The following PTDSS2 variants were observed in gnomAD, a reference collection of about 807,000 sequenced individuals.
PTDSS2 encodes the protein phosphatidylserine synthase 2.
A neutral mutation model predicts 64.7 loss-of-function variants in PTDSS2; 41 were observed. That is an observed-to-expected ratio of 0.63 (90% CI 0.49 to 0.82). The LOEUF is 0.82. Ranked by LOEUF, PTDSS2 falls within the 40% of genes least tolerant of loss-of-function variation. The pLI is 0.00. For missense variants in PTDSS2, 485 were observed against 650.0 expected (o/e 0.75, Z 2.76); for synonymous variants, 297 against 277.8 (o/e 1.07, Z -0.69).
At chr11:459,987 T>A (rs1000504380) in intron 1 of PTDSS2, 200 bp from the exon 2 acceptor site, 2 of 571,788 alleles carry the variant, frequency 3.5e-6, no homozygotes, top group Admixed American at 2.9e-5. Context: ...TGGGGGCTGG[T>A]CTCAGCCCTG....
intron 3 of PTDSS2, among the ~76,000 whole-genome samples, chr11:475,609 G>A (rs1282576034): frequency 1.3e-5 from 2 of 152,208 alleles, no homozygotes; most frequent in African/African-American, 4.8e-5. Context: ...TCGAAAGAGT[G>A]GAATCCTGAA....
At chr11:474,752 T>C (rs193164078) in intron 3 of PTDSS2, among the ~76,000 whole-genome samples, 9 of 151,882 alleles carry the variant, frequency 5.9e-5, no homozygotes, top group Admixed American at 4.6e-4. Context: ...GTATGTATTA[T>C]AGAAAATTTC....
chr11:459,062 TCC>T lies in PTDSS2; in HGVS notation c.183-1124_183-1123del, dbSNP rs1361521076. ...ACCTGGGTTAGACGTGAGGACACAC[TCC>T]GGTGAATGTAGGACCTGGGTTAGAC... is the stretch of plus-strand genomic sequence containing the variant. On this transcript the variant is annotated intron_variant, in intron 1 of 11. Transcript: ENST00000308020. 9.1e-4 allele frequency: 133 copies of T among 146,788 alleles called. 4 individuals are homozygous for T. The highest frequency in any genetic ancestry group is 3.2e-3 in the African/African-American group (121 of 38,020). The allele number at this position is 146,788 out of a possible 1,614,324, so 9.1% of individuals were successfully genotyped here.
rs1305384451 is a variant in PTDSS2 at position 460,754 on chromosome 11, T to G, written c.284+466T>G. 6.3e-6 allele frequency: 1 copy of G among 159,082 alleles called. No homozygotes were observed. The highest frequency in any genetic ancestry group is 1.4e-5 in the Non-Finnish European group (1 of 72,108). The allele number at this position is 159,082 out of a possible 1,614,324, so 9.9% of individuals were successfully genotyped here. Reference sequence around the variant, plus strand: ...CAGCAGCCAAGCGAGTAAACTCGTCTTCTCAGGTTTATCTCCACAGGCAGG... The same window carrying G: ...CAGCAGCCAAGCGAGTAAACTCGTCGTCTCAGGTTTATCTCCACAGGCAGG... On this transcript the variant is annotated intron_variant, in intron 2 of 11. Transcript: ENST00000308020. This position sits in a 1 kb window ranked among gnomAD's most constrained non-coding sequence, Gnocchi z 5.8.
chr11:465,217 G>T (rs565813535), intron 2 of PTDSS2, among the ~76,000 whole-genome samples: 2 of 152,326 alleles, frequency 1.3e-5, no homozygotes, highest in South Asian at 2.1e-4. Context: ...TTGAGACAGG[G>T]TCTTGCTCTG....
At chr11:488,720 G>C in intron 8 of PTDSS2, 73 bp downstream of exon 8, 1 of 1,123,936 alleles carries the variant, frequency 8.9e-7, no homozygotes, top group Non-Finnish European at 1.4e-6. Context: ...CCGTGCTCCA[G>C]CAGACCCCGA....
At chr11:488,913 G>A (rs1848532155) in intron 8 of PTDSS2, among the ~76,000 whole-genome samples, 2 of 152,232 alleles carry the variant, frequency 1.3e-5, no homozygotes, top group African/African-American at 2.4e-5. Flanking sequence ...GGATCATTCC[G>A]TGCTTCTCCC....
chr11:487,757 C>T (rs1249427336), intron 6 of PTDSS2, among the ~76,000 whole-genome samples: 1 of 152,240 alleles, frequency 6.6e-6, no homozygotes, highest in African/African-American at 2.4e-5. Flanking sequence ...CATCCCACTT[C>T]TGAGGGACCC....
chr11:451,489 G>A, intron 1 of PTDSS2: 2 of 394,840 alleles, frequency 5.1e-6, no homozygotes, highest in South Asian at 1.7e-5. Flanking sequence ...CTTCTTGACT[G>A]CAAGGTGCCC....
intron 4 of PTDSS2, among the ~76,000 whole-genome samples, chr11:485,215 CTG>C (rs57215487): frequency 4.1e-4 from 49 of 120,118 alleles, no homozygotes; most frequent in South Asian, 1.7e-3. Flanking sequence ...TGTGTGCTCA[CTG>C]TGCGCAGGCG....
At chr11:486,219 C>G (rs997838168) in intron 4 of PTDSS2, among the ~76,000 whole-genome samples, 1 of 151,026 alleles carries the variant, frequency 6.6e-6, no homozygotes, top group Non-Finnish European at 1.5e-5. Flanking sequence ...CTGATGCCAG[C>G]GTCTGGGTGA....
chr11:487,174 T>G (rs1848433498), intron 5 of PTDSS2, 101 bp downstream of exon 5: 1 of 1,195,092 alleles, frequency 8.4e-7, no homozygotes. Flanking sequence ...CAGCCCACAC[T>G]TGGGGTCTCC....
Position 462,046 on chromosome 11 carries a change from C to G in PTDSS2, c.284+1758C>G, listed in dbSNP as rs1248431093. On this transcript the variant is annotated intron_variant, in intron 2 of 11. Transcript: ENST00000308020. The surrounding 1 kb of genome is among the most constrained non-coding windows in gnomAD (Gnocchi z 4.5). Reference sequence around the variant, plus strand: ...TAGGAAGCAGGACCGGGTCTCACCTCAAGTGTCCCACATGGCAAGAATTGT... The same window carrying G: ...TAGGAAGCAGGACCGGGTCTCACCTGAAGTGTCCCACATGGCAAGAATTGT... Among the ~76,000 whole-genome samples the G allele has an allele frequency of 6.6e-6, 1 of 152,192 alleles. No homozygotes were observed. The highest frequency in any genetic ancestry group is 1.5e-5 in the Non-Finnish European group (1 of 68,026).
At chr11:454,439 C>T (rs1011152264) in intron 1 of PTDSS2, among the ~76,000 whole-genome samples, 3 of 152,186 alleles carry the variant, frequency 2.0e-5, no homozygotes, top group African/African-American at 7.2e-5. Flanking sequence ...CAATGATCAG[C>T]GTTTCCCTGG....
chr11:450,330 C>A lies in PTDSS2; in HGVS notation c.-126C>A. On this transcript the variant is annotated 5_prime_UTR_variant, in exon 1 of 12. Coordinates refer to ENST00000308020, the MANE Select transcript of PTDSS2 (RefSeq NM_030783.3). ...CCGGCCCCGCGCTGCTCTCCTAAGA[C>A]CCCGCGGGCCAGCGCCGCGACCCCT... 1 of 834,726 alleles carries A rather than the reference C, an allele frequency of 1.2e-6. No homozygotes were observed. Among genetic ancestry groups the A allele is most frequent in the Non-Finnish European group, 1.6e-6 (1 of 631,478 alleles). 51.7% of individuals were successfully genotyped at this position (834,726 alleles called of 1,614,324 possible).
In PTDSS2 at chr11:460,333, C is replaced by T. The variant is rs1349612493; in HGVS notation, c.284+45C>T. On this transcript the variant is annotated intron_variant, in intron 2 of 11. Coordinates refer to ENST00000308020, the MANE Select transcript of PTDSS2 (RefSeq NM_030783.3). The surrounding 1 kb of genome is among the most constrained non-coding windows in gnomAD (Gnocchi z 5.8). ...TGCCTTCTGAAACTGCCCTGTGCCC[C>T]GTGTGGTGGGTGTGGCACCCTTACT... 12 of 1,524,378 alleles carry T rather than the reference C, an allele frequency of 7.9e-6. No homozygotes were observed. Among genetic ancestry groups the T allele is most frequent in the Middle Eastern group, 3.6e-4 (2 of 5,630 alleles). 94.4% of individuals were successfully genotyped at this position (1,524,378 alleles called of 1,614,324 possible).
chr11:454,893 C>G (rs1846517322), intron 1 of PTDSS2, among the ~76,000 whole-genome samples: 1 of 152,182 alleles, frequency 6.6e-6, no homozygotes, highest in Non-Finnish European at 1.5e-5. Context: ...GGCTGCTCAC[C>G]CCATCCCTTG....
At chr11:486,828 A>T in intron 4 of PTDSS2, 111 bp from the exon 5 acceptor site, 1 of 1,390,540 alleles carries the variant, frequency 7.2e-7, no homozygotes, top group Non-Finnish European at 9.5e-7. Flanking sequence ...AGCCTGGGCG[A>T]CAGAGCGAGA....
intron 1 of PTDSS2, among the ~76,000 whole-genome samples, chr11:455,814 C>G (rs117481332): frequency 6.6e-6 from 1 of 152,218 alleles, no homozygotes; most frequent in Non-Finnish European, 1.5e-5. Flanking sequence ...TTCTCTATAA[C>G]GTGTAGGGTT....
Sources: gnomAD v4.1 joint callset for allele counts (sites outside exome capture counted in the v4.1 genomes callset) on GRCh38, gnomAD v4.1.1 for gene constraint, Gnocchi (gnomAD v3.1) non-coding constraint, MANE v1.5 for transcripts, NCBI Gene and HGNC (gene_info 2026-07-23, HGNC 2026-07-21) for gene names.